Variants in SCRG1 observed in about 807,000 individuals in gnomAD.
SCRG1 encodes the protein scrapie-responsive protein 1.
Under a neutral mutation model 7.7 loss-of-function variants are expected in SCRG1, and 3 were observed. The observed-to-expected ratio is 0.39, with a 90% CI of 0.18 to 1.01. The LOEUF is 1.01. SCRG1 is among the 50% of genes least tolerant of loss of function. SCRG1 has a pLI of 0.36. For synonymous variants in SCRG1, 46 were observed against 41.2 expected (o/e 1.12, Z -0.44); for missense variants, 110 against 117.2 (o/e 0.94, Z 0.28).
upstream of SCRG1, among the ~76,000 whole-genome samples, chr4:173,400,325 A>T (rs959471413): frequency 9.2e-5 from 14 of 152,258 alleles, no homozygotes; most frequent in Admixed American, 5.9e-4. Flanking sequence ...ACTGTTAATC[A>T]TCTAGAAAAA....
the SCRG1 span, among the ~76,000 whole-genome samples, chr4:173,416,379 C>A: frequency 2.0e-5 from 3 of 152,386 alleles, no homozygotes; most frequent in East Asian, 5.8e-4. Context: ...TTGTGCCCAT[C>A]TTGTGGCTGC....
exon 2 of SCRG1, chr4:173,404,328 C>T (rs1173261151): frequency 6.6e-6 from 1 of 152,174 alleles, no homozygotes; most frequent in Non-Finnish European, 1.5e-5. Context: ...GCCACAGAGT[C>T]GTCTCTCTTT....
At chr4:173,408,640 T>C (rs1739970439), upstream of SCRG1, among the ~76,000 whole-genome samples, 1 of 152,098 alleles carries the variant, frequency 6.6e-6, no homozygotes, top group African/African-American at 2.4e-5. Context: ...TTTAAGAATA[T>C]CACACAAGTT....
the SCRG1 span, among the ~76,000 whole-genome samples, chr4:173,453,666 C>G: frequency 6.6e-6 from 1 of 152,224 alleles, no homozygotes; most frequent in Non-Finnish European, 1.5e-5. Context: ...TATGAGACCA[C>G]TGTCATATAT....
chr4:173,473,613 GGGAA>G, the SCRG1 span, among the ~76,000 whole-genome samples: 19 of 152,236 alleles, frequency 1.2e-4, no homozygotes, highest in African/African-American at 4.3e-4. Flanking sequence ...TGTGAAAGAA[GGGAA>G]CTCTGTGCAT....
chr4:173,486,018 A>G, the SCRG1 span, among the ~76,000 whole-genome samples: 2 of 152,290 alleles, frequency 1.3e-5, no homozygotes, highest in Admixed American at 1.3e-4. Flanking sequence ...TACTCTCTTC[A>G]TAAACTATGT....
At chr4:173,509,369 G>A in the SCRG1 span, among the ~76,000 whole-genome samples, 6 of 152,156 alleles carry the variant, frequency 3.9e-5, no homozygotes, top group African/African-American at 1.2e-4. This position sits in a 1 kb window ranked among gnomAD's most constrained non-coding sequence, Gnocchi z 5.7. Context: ...CTGGAGGCCT[G>A]AACCTCGCGA....
chr4:173,511,428 G>C, the SCRG1 span, among the ~76,000 whole-genome samples: 2 of 151,936 alleles, frequency 1.3e-5, no homozygotes, highest in African/African-American at 2.4e-5. The surrounding 1 kb of genome is among the most constrained non-coding windows in gnomAD (Gnocchi z 5.2). Context: ...ACCGTTTTTT[G>C]TTTGTTTGTT....
At chr4:173,454,977 G>T in the SCRG1 span, among the ~76,000 whole-genome samples, 1 of 152,036 alleles carries the variant, frequency 6.6e-6, no homozygotes, top group African/African-American at 2.4e-5. Context: ...TTCTATAGTG[G>T]TTTCTTATGA....
Position 173,387,853 on chromosome 4 carries a change from C to G in SCRG1, c.*488G>C, listed in dbSNP as rs1739286064. 1 of 150,660 alleles carries G rather than the reference C, an allele frequency of 6.6e-6. No homozygotes were observed. Among genetic ancestry groups the G allele is most frequent in the African/African-American group, 2.4e-5 (1 of 40,860 alleles). 9.3% of individuals were successfully genotyped at this position (150,660 alleles called of 1,614,324 possible). The stretch of plus-strand genomic sequence containing the variant: ...TAACTAGAACTACAGATGTGGGCAC[C>G]CACAACCTGCTAATTTTTTAATTTT... On this transcript the variant is annotated 3_prime_UTR_variant, in exon 3 of 3. Coordinates refer to ENST00000296506, the MANE Select transcript of SCRG1 (RefSeq NM_007281.4).
At chr4:173,444,706 A>G in the SCRG1 span, among the ~76,000 whole-genome samples, 2 of 152,186 alleles carry the variant, frequency 1.3e-5, no homozygotes, top group Non-Finnish European at 2.9e-5. Flanking sequence ...CCTCTAGGAA[A>G]GGTTTCCTTA....
the SCRG1 span, among the ~76,000 whole-genome samples, chr4:173,504,064 C>T: frequency 6.6e-6 from 1 of 152,232 alleles, no homozygotes; most frequent in Admixed American, 6.5e-5. This position sits in a 1 kb window ranked among gnomAD's most constrained non-coding sequence, Gnocchi z 4.7. Flanking sequence ...ACGAGCACCA[C>T]TTCCTCCAGC....
chr4:173,460,654 A>T, the SCRG1 span, among the ~76,000 whole-genome samples: 1 of 152,172 alleles, frequency 6.6e-6, no homozygotes, highest in Non-Finnish European at 1.5e-5. Context: ...GGCCCTAAAT[A>T]ACCAGCAGTG....
the SCRG1 span, among the ~76,000 whole-genome samples, chr4:173,484,348 A>AATATATG: frequency 1.2e-5 from 1 of 86,492 alleles, no homozygotes; most frequent in Non-Finnish European, 1.9e-5. Context: ...CATATTATAT[A>AATATATG]ATATATAATA....
At chr4:173,483,941 A>AT in the SCRG1 span, among the ~76,000 whole-genome samples, 13 of 75,080 alleles carry the variant, frequency 1.7e-4, no homozygotes, top group East Asian at 1.8e-3. Context: ...TATATAATAT[A>AT]AATCATATAT....
chr4:173,467,948 A>G, the SCRG1 span: 2 of 152,726 alleles, frequency 1.3e-5, no homozygotes, highest in South Asian at 2.1e-4. Context: ...ATTGAAAAAT[A>G]TCAGTAAAAT....
chr4:173,408,166 T>G (rs1739956044), upstream of SCRG1, among the ~76,000 whole-genome samples: 2 of 152,204 alleles, frequency 1.3e-5, no homozygotes, highest in South Asian at 4.1e-4. Context: ...AGTATAATCC[T>G]GATGAAATAT....
the SCRG1 span, among the ~76,000 whole-genome samples, chr4:173,516,917 G>A: frequency 1.3e-5 from 2 of 152,208 alleles, no homozygotes; most frequent in African/African-American, 4.8e-5. Context: ...CCGAGAGAGC[G>A]GTGATAAGGT....
At chr4:173,482,559 T>G in the SCRG1 span, among the ~76,000 whole-genome samples, 1 of 152,118 alleles carries the variant, frequency 6.6e-6, no homozygotes. Flanking sequence ...GGCTCATGTC[T>G]GTAATCCTAG....
Sources: allele counts gnomAD v4.1 joint callset (sites outside exome capture counted in the v4.1 genomes callset), GRCh38; gene constraint gnomAD v4.1.1; non-coding constraint Gnocchi (gnomAD v3.1); transcripts MANE v1.5; gene names NCBI Gene and HGNC (gene_info 2026-07-23, HGNC 2026-07-21).